ANKMY2: variants seen among roughly 807,000 people sequenced by gnomAD.
ANKMY2 encodes the protein ankyrin repeat and MYND domain-containing protein 2.
ANKMY2 carries 36 observed loss-of-function variants against 50.4 expected under a neutral mutation model. That is an observed-to-expected ratio of 0.71 (90% CI 0.55 to 0.94). The LOEUF is 0.94. Ranked by LOEUF, ANKMY2 falls within the 40% of genes least tolerant of loss-of-function variation. The pLI, the probability that ANKMY2 is intolerant of heterozygous loss-of-function variation, is 0.00. For missense variants in ANKMY2, 565 were observed against 524.0 expected (o/e 1.08, Z -0.76); for synonymous variants, 187 against 178.8 (o/e 1.05, Z -0.36).
intron 4 of ANKMY2, among the ~76,000 whole-genome samples, chr7:16,616,332 T>C (rs1045558696): frequency 8.5e-5 from 13 of 152,196 alleles, no homozygotes; most frequent in African/African-American, 3.1e-4. Flanking sequence ...GTTCTTACTA[T>C]AATGATAATA....
intron 4 of ANKMY2, among the ~76,000 whole-genome samples, chr7:16,624,059 C>G (rs1336044680): frequency 6.6e-6 from 1 of 152,114 alleles, no homozygotes; most frequent in Non-Finnish European, 1.5e-5. Flanking sequence ...CTCTGAAGTT[C>G]TACCTTGGAG....
intron 2 of ANKMY2, among the ~76,000 whole-genome samples, chr7:16,627,666 T>C (rs1781524480): frequency 6.6e-6 from 1 of 152,224 alleles, no homozygotes; most frequent in African/African-American, 2.4e-5. Context: ...TCACAAATTA[T>C]TGTCAATGAG....
At chr7:16,609,516 TA>T in intron 7 of ANKMY2, 113 bp downstream of exon 7, 1 of 1,231,022 alleles carries the variant, frequency 8.1e-7, no homozygotes, top group Non-Finnish European at 1.1e-6. Context: ...CCTTTGTTCC[TA>T]AAAATATTCT....
chr7:16,629,876 G>T (rs1393361296), intron 2 of ANKMY2, among the ~76,000 whole-genome samples: 1 of 151,846 alleles, frequency 6.6e-6, no homozygotes, highest in Non-Finnish European at 1.5e-5. Context: ...CTTTCCCATG[G>T]GCAAAGTAAA....
At chr7:16,606,409 AC>A (rs1781162482) in intron 7 of ANKMY2, among the ~76,000 whole-genome samples, 2 of 145,030 alleles carry the variant, frequency 1.4e-5, no homozygotes, top group East Asian at 4.2e-4. Context: ...AGCCTTGGTG[AC>A]AGTGCAAGAC....
chr7:16,644,692 G>A, intron 1 of ANKMY2: 1 of 471,178 alleles, frequency 2.1e-6, no homozygotes, highest in Non-Finnish European at 4.4e-6. Flanking sequence ...CACCTGCCAG[G>A]TAACGGGACT....
chr7:16,641,564 C>T (rs184834455), intron 1 of ANKMY2, among the ~76,000 whole-genome samples: 1 of 152,158 alleles, frequency 6.6e-6, no homozygotes, highest in African/African-American at 2.4e-5. Context: ...GTTTCTCAAC[C>T]ATAAAGACAC....
Position 16,600,723 on chromosome 7 carries a change from A to T in ANKMY2, c.*38T>A, listed in dbSNP as rs756637602. 15 of 1,519,068 alleles carry T rather than the reference A, an allele frequency of 9.9e-6. No individual in the cohort carries two copies. In the South Asian group the frequency reaches 2.0e-4, roughly 20 times the overall value. The allele number at this position is 1,519,068 out of a possible 1,614,324, so 94.1% of individuals were successfully genotyped here. On this transcript the variant is annotated 3_prime_UTR_variant, in exon 10 of 10. Coordinates refer to ENST00000306999, the MANE Select transcript of ANKMY2 (RefSeq NM_020319.3). ...TCCTAGGAGTTTTCCAGCTTCTTGC[A>T]GGGTGAGGATCATCCACACTGGCAC...
intron 7 of ANKMY2, among the ~76,000 whole-genome samples, chr7:16,607,281 C>G (rs73078971): frequency 0.011 from 1,639 of 152,264 alleles, 20 homozygotes; most frequent in Non-Finnish European, 0.018. Context: ...TCATTATACT[C>G]TAGGCCGGGT....
chr7:16,621,417 A>G (rs1368801917), intron 4 of ANKMY2, among the ~76,000 whole-genome samples: 1 of 152,236 alleles, frequency 6.6e-6, no homozygotes, highest in Admixed American at 6.5e-5. Context: ...TCATTTAGTA[A>G]AAGAGAATTT....
intron 7 of ANKMY2, among the ~76,000 whole-genome samples, chr7:16,606,900 A>G (rs1177273458): frequency 6.6e-6 from 1 of 152,232 alleles, no homozygotes; most frequent in East Asian, 1.9e-4. Flanking sequence ...TGAGACAGGC[A>G]GAAGCCAGAG....
chr7:16,640,568 C>G (rs1012473630), intron 1 of ANKMY2, among the ~76,000 whole-genome samples: 1 of 152,160 alleles, frequency 6.6e-6, no homozygotes, highest in African/African-American at 2.4e-5. Context: ...ATCGCCCAAG[C>G]TGGAGTGCAG....
chr7:16,620,102 T>C (rs73310778), intron 4 of ANKMY2, among the ~76,000 whole-genome samples: 4,461 of 152,272 alleles, frequency 0.029, 235 homozygotes, highest in African/African-American at 0.1. Flanking sequence ...TGTCAAAGAA[T>C]ATACAACCTA....
intron 7 of ANKMY2, among the ~76,000 whole-genome samples, chr7:16,606,430 A>T (rs571551668): frequency 1.1e-4 from 1 of 8,938 alleles, no homozygotes; most frequent in Non-Finnish European, 2.0e-4. Flanking sequence ...CCTTGTATTT[A>T]AAAAAAAAAA....
intron 1 of ANKMY2, among the ~76,000 whole-genome samples, chr7:16,639,909 C>G (rs1476466295): frequency 6.6e-6 from 1 of 152,086 alleles, no homozygotes; most frequent in Non-Finnish European, 1.5e-5. Context: ...CCTGTAATCA[C>G]AGCACTTTGG....
rs762018862 is a variant in ANKMY2, at chr7:16,600,847, C to A, written c.1240G>T (p.Glu414Ter). Residue 414 changes from glutamate (E) to a stop codon, truncating the protein, a stop_gained, in exon 10 of 10, where the codon GAA becomes TAA. Coordinates refer to ENST00000306999, the MANE Select transcript of ANKMY2 (RefSeq NM_020319.3). LOFTEE classifies it low-confidence loss of function (END_TRUNC). ...QKDSNPEDSG[E>*]GKKESLESEA... ...CTTTCAAGAGATTCTTTCTTTCCTT[C>A]CCCGGAATCTTCAGGATTGGAATCC... 1.2e-6 allele frequency: 2 copies of A among 1,613,554 alleles called. No individual in the cohort carries two copies. Among genetic ancestry groups the A allele is most frequent in the South Asian group, 2.2e-5 (2 of 90,974 alleles).
intron 2 of ANKMY2, among the ~76,000 whole-genome samples, chr7:16,629,731 A>C (rs1204238993): frequency 6.6e-6 from 1 of 152,202 alleles, no homozygotes; most frequent in African/African-American, 2.4e-5. Context: ...AAAGAAGTGG[A>C]TATCACATGT....
At chr7:16,620,479 A>G (rs747503207) in intron 4 of ANKMY2, among the ~76,000 whole-genome samples, 17 of 152,194 alleles carry the variant, frequency 1.1e-4, no homozygotes, top group Non-Finnish European at 2.4e-4. Context: ...TAAATGAAGT[A>G]TAAGGATTTC....
At chr7:16,637,616 G>A (rs903767917) in intron 1 of ANKMY2, among the ~76,000 whole-genome samples, 2 of 152,208 alleles carry the variant, frequency 1.3e-5, no homozygotes, top group East Asian at 1.9e-4. Flanking sequence ...TGGCTGAATC[G>A]CTATGCAAGG....
Sources: gnomAD v4.1 joint callset for allele counts (sites outside exome capture counted in the v4.1 genomes callset) on GRCh38, gnomAD v4.1.1 for gene constraint, MANE v1.5 for transcripts, NCBI Gene and HGNC (gene_info 2026-07-23, HGNC 2026-07-21) for gene names.